The following CNOT1 variants were observed in gnomAD, a reference collection of about 807,000 sequenced individuals.
The protein encoded by CNOT1 is CCR4-associated factor 1.
A neutral mutation model predicts 273.8 loss-of-function variants in CNOT1; 15 were observed. The observed-to-expected ratio is 0.05, with a 90% CI of 0.04 to 0.08. The LOEUF is 0.08. Ranked by LOEUF, CNOT1 falls within the 10% of genes least tolerant of loss-of-function variation. The pLI is 1.00. For synonymous variants in CNOT1, 1,022 were observed against 1,005.5 expected, an observed-to-expected ratio of 1.02 and a Z score of -0.31; for missense variants, 1,644 against 2,912.2, an observed-to-expected ratio of 0.56 and a Z score of 10.02.
intron 1 of CNOT1, among the ~76,000 whole-genome samples, chr16:58,600,531 T>C (rs554136982): frequency 6.6e-6 from 1 of 152,328 alleles, no homozygotes; most frequent in South Asian, 2.1e-4. Context: ...ATCTGCGACC[T>C]ATTTATAAGA....
intron 1 of CNOT1, among the ~76,000 whole-genome samples, chr16:58,606,238 G>A (rs770390259): frequency 4.6e-5 from 7 of 152,118 alleles, no homozygotes; most frequent in South Asian, 2.1e-4. Flanking sequence ...CAGTGTCTCT[G>A]TAATTAAAAT....
intron 1 of CNOT1, among the ~76,000 whole-genome samples, chr16:58,621,235 T>C (rs1567450146): frequency 6.6e-6 from 1 of 152,054 alleles, no homozygotes; most frequent in Non-Finnish European, 1.5e-5. Flanking sequence ...AGTGTTAGGA[T>C]TGCAGGCGTG....
At chr16:58,527,925 G>A (rs1375962649) in intron 44 of CNOT1, 1 of 261,050 alleles carries the variant, frequency 3.8e-6, no homozygotes, top group Non-Finnish European at 7.6e-6. Flanking sequence ...AAACCAACCT[G>A]GCTGACATGG....
Position 58,611,939 on chromosome 16 carries a change from A to G in CNOT1, c.-174-12428T>C, listed in dbSNP as rs971669621. 1.4e-4 allele frequency among the ~76,000 whole-genome samples: 22 copies of G among 152,042 alleles called. 1 individual carries two copies. Among genetic ancestry groups the G allele is most frequent in the Admixed American group, 3.9e-4 (6 of 15,242 alleles). On this transcript the variant is annotated intron_variant, in intron 1 of 48. Coordinates refer to ENST00000317147, the MANE Select transcript of CNOT1 (RefSeq NM_016284.5). ...CTTTTTCTCCCCTTAACTCCTTCCA[A>G]CTGGACCAAAGACATCTGTTTGCTC... is the stretch of plus-strand genomic sequence containing the variant.
chr16:58,558,742 CT>C, intron 17 of CNOT1, 68 bp from the exon 18 acceptor site: 1 of 1,551,128 alleles, frequency 6.4e-7, no homozygotes, highest in Non-Finnish European at 8.7e-7. Context: ...GTAAAGCAAT[CT>C]TTAACAACAG....
At chr16:58,542,681 A>C (rs1221040621) in intron 31 of CNOT1, 113 bp from the exon 32 acceptor site, 17 of 1,435,684 alleles carry the variant, frequency 1.2e-5, no homozygotes, top group Admixed American at 5.0e-5. Context: ...ATGCATTTTA[A>C]GTTCTGACTC....
At chr16:58,524,407 G>C (rs1013067106) in intron 46 of CNOT1, among the ~76,000 whole-genome samples, 1 of 151,832 alleles carries the variant, frequency 6.6e-6, no homozygotes, top group Non-Finnish European at 1.5e-5. Context: ...GACATTATTC[G>C]TGTTTGTGAG....
At chr16:58,580,844 T>C (rs980854707) in intron 11 of CNOT1, 84 bp from the exon 12 acceptor site, 21 of 1,304,820 alleles carry the variant, frequency 1.6e-5, no homozygotes, top group Admixed American at 2.5e-5. Flanking sequence ...CTATTGTCAA[T>C]CTTAAGGTTA....
chr16:58,534,421 C>T (rs749799953), intron 39 of CNOT1, 26 bp from the exon 40 acceptor site: 6 of 1,608,724 alleles, frequency 3.7e-6, no homozygotes, highest in Non-Finnish European at 5.1e-6. Flanking sequence ...AAAATAAAGA[C>T]ACAATGAGGT....
In CNOT1 at chr16:58,558,617, T is replaced by A; in HGVS notation, c.2188A>T (p.Thr730Ser). The A allele has an allele frequency of 6.2e-7, 1 of 1,613,286 alleles. No homozygotes were observed. Among genetic ancestry groups the A allele is most frequent in the Admixed American group, 1.7e-5 (1 of 59,908 alleles). ...GGAGGAAAACCCTGCATACTCTGGG[T>A]GTGAGGGGCAGCTGAACCACCTATA... ...LSIGGSAAPH[T>S]QSMQGFPPNL... The change falls in exon 18 of 49, where the codon ACC (threonine) becomes TCC (serine). Residue 730 changes from threonine to serine, a missense_variant. Thr to Ser is a moderately conservative substitution (Grantham distance 58, BLOSUM62 1). Around this residue, in one of 13 missense-constraint regions of CNOT1, gnomAD observed 706 missense variants for 1,021.2 expected, o/e 0.69. Coordinates refer to ENST00000317147, the MANE Select transcript of CNOT1 (RefSeq NM_016284.5).
chr16:58,585,631 A>G (rs747358271), intron 7 of CNOT1, 125 bp from the exon 8 acceptor site: 64 of 1,423,046 alleles, frequency 4.5e-5, no homozygotes, highest in Non-Finnish European at 5.7e-5. Flanking sequence ...AGCTTATTTC[A>G]TTTTTCCAGC....
At chr16:58,596,689 C>T (rs2152002059) in intron 2 of CNOT1, among the ~76,000 whole-genome samples, 1 of 151,792 alleles carries the variant, frequency 6.6e-6, no homozygotes, top group East Asian at 2.0e-4. Context: ...AGATTGAGAC[C>T]ATCCTGGCTA....
At chr16:58,558,321 T>C in intron 18 of CNOT1, 152 bp downstream of exon 18, 1 of 1,336,030 alleles carries the variant, frequency 7.5e-7, no homozygotes, top group East Asian at 2.5e-5. Flanking sequence ...TAATCTGTTT[T>C]TCTTTTCCCA....
chr16:58,574,790 T>TAAATC (rs766652289), intron 15 of CNOT1, 30 bp from the exon 16 acceptor site: 2 of 1,581,600 alleles, frequency 1.3e-6, no homozygotes, highest in South Asian at 2.4e-5. Context: ...CTCAGTGTAT[T>TAAATC]TAAAATTGAT....
Position 58,587,852 on chromosome 16 carries a change from C to G in CNOT1, c.237G>C (p.Ala79=). The change falls in exon 4 of 49, where the codon GCG becomes GCC. Residue 79 remains alanine (A), a synonymous_variant. Coordinates refer to ENST00000317147, the MANE Select transcript of CNOT1 (RefSeq NM_016284.5). The part of the protein sequence containing the change: ...HQTQFLIQEC[A]LLITKPNFIS... ...TAAAATTTGGCTTTGTAATCAGCAA[C>G]GCACACTCCTGAATCAGAAACTGAG... 6 of 1,613,602 alleles carry G rather than the reference C, an allele frequency of 3.7e-6. No individual in the cohort carries two copies. Among genetic ancestry groups the G allele is most frequent in the Non-Finnish European group, 5.1e-6 (6 of 1,180,002 alleles).
At chr16:58,614,247 C>T (rs2043003421) in intron 1 of CNOT1, among the ~76,000 whole-genome samples, 1 of 124,630 alleles carries the variant, frequency 8.0e-6, no homozygotes, top group Admixed American at 8.0e-5. Context: ...TGGCCCGAGC[C>T]TGCTGTCCTT....
intron 16 of CNOT1, among the ~76,000 whole-genome samples, chr16:58,563,984 T>C (rs776156964): frequency 5.3e-5 from 8 of 152,174 alleles, no homozygotes; most frequent in Non-Finnish European, 8.8e-5. Flanking sequence ...AGGAGACTGG[T>C]TGACTACAGT....
At chr16:58,543,011 T>C (rs1180567080) in intron 31 of CNOT1, 8 of 760,848 alleles carry the variant, frequency 1.1e-5, no homozygotes, top group Non-Finnish European at 1.3e-5. Context: ...GAGAATCAGT[T>C]GAACCTCAGA....
At chr16:58,553,718 C>T in intron 22 of CNOT1, 64 bp downstream of exon 22, 1 of 1,527,866 alleles carries the variant, frequency 6.5e-7, no homozygotes, top group Non-Finnish European at 8.7e-7. Context: ...CAAAAAAAAG[C>T]CAAAATATTA....
Sources: allele counts gnomAD v4.1 joint callset (sites outside exome capture counted in the v4.1 genomes callset), GRCh38; gene constraint gnomAD v4.1.1; regional missense constraint gnomAD v4.1.1; transcripts MANE v1.5; gene names NCBI Gene and HGNC (gene_info 2026-07-23, HGNC 2026-07-21).